WDR4: variants seen among roughly 807,000 people sequenced by gnomAD.
The protein encoded by WDR4 is WDR4 tRNA N7-guanosine methyltransferase non-catalytic subunit.
In WDR4, 47 loss-of-function variants were observed where a neutral mutation model predicts 48.6. The ratio of observed to expected loss-of-function variants is 0.97; its 90% CI spans 0.77 to 1.23. The LOEUF (loss-of-function observed/expected upper bound fraction) is 1.23, where lower values mean the gene tolerates loss of function less well. Among genes scored for constraint, WDR4 ranks in the 50% most tolerant of loss-of-function variants. The probability of loss-of-function intolerance (pLI) is 0.00; values close to 1 mark genes in which losing one functional copy is unlikely to be tolerated. For missense variants in WDR4, 606 were observed against 551.6 expected (o/e 1.10, Z -0.99); for synonymous variants, 268 against 230.0 (o/e 1.17, Z -1.49).
the WDR4 span, among the ~76,000 whole-genome samples, chr21:42,888,322 G>C: frequency 6.6e-6 from 1 of 152,278 alleles, no homozygotes; most frequent in Non-Finnish European, 1.5e-5. Flanking sequence ...ACTTTGGGAG[G>C]CCAAGGCCGG....
intron 1 of WDR4, chr21:42,878,867 C>G (rs1430114049): frequency 3.7e-6 from 3 of 804,786 alleles, no homozygotes; most frequent in Non-Finnish European, 4.5e-6. Context: ...ACTTGGAGCC[C>G]TAAGGAGCAA....
chr21:42,872,119 GA>G (rs1435718486), intron 3 of WDR4, among the ~76,000 whole-genome samples: 1 of 152,024 alleles, frequency 6.6e-6, no homozygotes, highest in African/African-American at 2.4e-5. Context: ...CGAGTAGCTG[GA>G]ACTACAGGCA....
intron 10 of WDR4, among the ~76,000 whole-genome samples, chr21:42,851,837 C>A (rs76269659): frequency 0.056 from 8,539 of 152,248 alleles, 348 homozygotes; most frequent in Non-Finnish European, 0.088. Context: ...TCTGGCTAGA[C>A]CCCCACTAAA....
downstream of WDR4, among the ~76,000 whole-genome samples, chr21:42,844,853 G>GC (rs1569306747): frequency 1.3e-5 from 2 of 152,144 alleles, no homozygotes; most frequent in Non-Finnish European, 2.9e-5. Flanking sequence ...GAGAGCCCCC[G>GC]CCCCCACCAT....
intron 2 of WDR4, among the ~76,000 whole-genome samples, chr21:42,874,965 C>A (rs2146101999): frequency 6.6e-6 from 1 of 152,230 alleles, no homozygotes; most frequent in South Asian, 2.1e-4. Context: ...TAAAAACTTG[C>A]TGGTTTTACG....
Position 42,859,691 on chromosome 21 carries a change from G to C in WDR4, c.598C>G (p.Gln200Glu), listed in dbSNP as rs1278366631. The change falls in exon 6 of 11, where the codon CAG (glutamine) becomes GAG (glutamate). Residue 200 changes from glutamine (Q) to glutamate (E), a missense_variant. By Grantham distance (29) the Gln-to-Glu change is conservative. Coordinates refer to ENST00000398208, the MANE Select transcript of WDR4 (RefSeq NM_018669.6). ...GAGGAGGACAGAAGCAGCCCGGGCT[G>C]AGTTGGCACCACGGAGATACGGCTC... ...FVSRISVVPT[Q>E]PGLLLSSSGD... 6.4e-7 allele frequency: 1 copy of C among 1,563,034 alleles called. No homozygotes were observed. The highest frequency in any genetic ancestry group is 8.7e-7 in the Non-Finnish European group (1 of 1,153,912).
At chr21:42,855,000 T>C (rs2057949060) in intron 7 of WDR4, among the ~76,000 whole-genome samples, 2 of 151,794 alleles carry the variant, frequency 1.3e-5, no homozygotes, top group Non-Finnish European at 2.9e-5. Flanking sequence ...ATATTAAAAA[T>C]GAAGAAGAGG....
chr21:42,892,975 C>T, the WDR4 span, among the ~76,000 whole-genome samples: 2 of 152,264 alleles, frequency 1.3e-5, no homozygotes, highest in Non-Finnish European at 2.9e-5. Flanking sequence ...CAAAGAAGTG[C>T]GAAGCGTTCG....
intron 1 of WDR4, among the ~76,000 whole-genome samples, chr21:42,877,220 T>C (rs2058514064): frequency 7.0e-6 from 1 of 143,702 alleles, no homozygotes; most frequent in Non-Finnish European, 1.5e-5. Flanking sequence ...CTCAGGTCAC[T>C]GCAACCTCCC....
chr21:42,873,696 G>T lies in WDR4; in HGVS notation c.156-5C>A, dbSNP rs146400491. 3.1e-6 allele frequency: 5 copies of T among 1,612,602 alleles called. No individual in the cohort carries two copies. The highest frequency in any genetic ancestry group is 4.2e-6 in the Non-Finnish European group (5 of 1,179,146). On this transcript the variant is annotated splice_polypyrimidine_tract_variant and splice_region_variant and intron_variant, in intron 2 of 10. Coordinates refer to ENST00000398208, the MANE Select transcript of WDR4 (RefSeq NM_018669.6). ...TGGTCCAAGGGCGCGTCCTCCCTGAGGAAGAGAGGAGGAAGACGGTTAAGC... is the reference window on the plus strand; with the variant it reads ...TGGTCCAAGGGCGCGTCCTCCCTGATGAAGAGAGGAGGAAGACGGTTAAGC...
At chr21:42,887,184 G>T in the WDR4 span, among the ~76,000 whole-genome samples, 3 of 152,088 alleles carry the variant, frequency 2.0e-5, no homozygotes, top group East Asian at 1.9e-4. Context: ...TAGAGACGGG[G>T]TTTCTCCGTG....
intron 3 of WDR4, among the ~76,000 whole-genome samples, chr21:42,864,024 G>A (rs868490398): frequency 1.2e-5 from 1 of 82,378 alleles, no homozygotes; most frequent in Non-Finnish European, 2.3e-5. Context: ...GGAGAATGGC[G>A]TGAACCCGGG....
chr21:42,871,434 G>T (rs76296409), intron 3 of WDR4, among the ~76,000 whole-genome samples: 5 of 152,238 alleles, frequency 3.3e-5, no homozygotes, highest in African/African-American at 1.2e-4. Context: ...TCCCTGTGGA[G>T]GGGCTCAGAG....
chr21:42,883,098 CAAAAAAA>C (rs35978225), upstream of WDR4, among the ~76,000 whole-genome samples: 1 of 87,306 alleles, frequency 1.1e-5, no homozygotes, highest in Admixed American at 1.4e-4. Flanking sequence ...GACTCCGTCT[CAAAAAAA>C]AAAAAAAAAA....
intron 3 of WDR4, among the ~76,000 whole-genome samples, 154 bp downstream of exon 3, chr21:42,873,397 C>T (rs1028237400): frequency 2.0e-5 from 3 of 152,222 alleles, no homozygotes; most frequent in Non-Finnish European, 4.4e-5. Flanking sequence ...AGCCAACACA[C>T]ATGTGGCACT....
At chr21:42,879,930 G>C (rs150967281), upstream of WDR4, 1 of 398,350 alleles carries the variant, frequency 2.5e-6, no homozygotes, top group East Asian at 3.6e-5. Flanking sequence ...AGCAGTTCGA[G>C]AGCAGCCTGA....
chr21:42,852,337 A>G lies in WDR4; in HGVS notation c.976-13T>C. On this transcript the variant is annotated splice_polypyrimidine_tract_variant and intron_variant, in intron 9 of 10. Transcript: ENST00000398208. ...TCTCAGGAACAGACTGCAGGCGACA[A>G]ACAGGAAATCTTCATCAGAAAGAGG... 1 of 1,613,700 alleles carries G rather than the reference A, an allele frequency of 6.2e-7. No individual in the cohort carries two copies. Among genetic ancestry groups the G allele is most frequent in the Non-Finnish European group, 8.5e-7 (1 of 1,179,832 alleles).
At chr21:42,854,237 C>T (rs940704515) in intron 8 of WDR4, among the ~76,000 whole-genome samples, 3 of 152,236 alleles carry the variant, frequency 2.0e-5, no homozygotes, top group Admixed American at 6.5e-5. Flanking sequence ...GGTTCCCATC[C>T]GACCAGCCCC....
intron 1 of WDR4, chr21:42,879,092 C>T: frequency 2.6e-6 from 3 of 1,175,538 alleles, no homozygotes; most frequent in African/African-American, 1.6e-5. Context: ...CCTACCCGGT[C>T]CCCGCCGGCG....
Sources: gnomAD v4.1 joint callset for allele counts (sites outside exome capture counted in the v4.1 genomes callset) on GRCh38, gnomAD v4.1.1 for gene constraint, MANE v1.5 for transcripts, NCBI Gene and HGNC (gene_info 2026-07-23, HGNC 2026-07-21) for gene names.